The following ITIH5 variants were observed in gnomAD, a reference collection of about 807,000 sequenced individuals.
The protein encoded by ITIH5 is inter-alpha-trypsin inhibitor heavy chain 5.
Under a neutral mutation model 77.5 loss-of-function variants are expected in ITIH5, and 65 were observed. The observed-to-expected ratio is 0.84, with a 90% CI of 0.69 to 1.03. The LOEUF is 1.03. ITIH5 is among the 50% of genes least tolerant of loss of function. ITIH5 has a pLI of 0.00. For missense variants in ITIH5, 1,208 were observed against 1,213.1 expected (o/e 1.00, Z 0.06); for synonymous variants, 525 against 494.3 (o/e 1.06, Z -0.82).
chr10:7,566,493 C>A, intron 12 of ITIH5, 86 bp from the exon 13 acceptor site: 1 of 1,370,726 alleles, frequency 7.3e-7, no homozygotes, highest in Non-Finnish European at 9.9e-7. Flanking sequence ...CTTAGAAGGC[C>A]AGGGCAGGTG....
At chr10:7,578,362 C>T (rs1298400857) in intron 9 of ITIH5, 1 of 167,488 alleles carries the variant, frequency 6.0e-6, no homozygotes, top group Non-Finnish European at 1.5e-5. Context: ...ATCATAAGTT[C>T]TCATAAATGC....
chr10:7,590,641 C>T (rs1214517192), intron 7 of ITIH5, among the ~76,000 whole-genome samples: 2 of 152,224 alleles, frequency 1.3e-5, no homozygotes, highest in Admixed American at 1.3e-4. Context: ...ACCCAGCATC[C>T]TCCTGCACGC....
intron 10 of ITIH5, among the ~76,000 whole-genome samples, chr10:7,574,898 G>A (rs972569493): frequency 1.3e-5 from 2 of 150,306 alleles, no homozygotes; most frequent in African/African-American, 4.9e-5. Flanking sequence ...GTCCAGATCC[G>A]ATCTCTCCTG....
At chr10:7,663,559 T>A (rs1834313341) in intron 1 of ITIH5, among the ~76,000 whole-genome samples, 2 of 152,256 alleles carry the variant, frequency 1.3e-5, no homozygotes, top group African/African-American at 2.4e-5. Context: ...TTTCTTTATC[T>A]TTCTAAATAA....
chr10:7,634,348 G>A (rs1341629750), intron 5 of ITIH5, among the ~76,000 whole-genome samples: 1 of 152,126 alleles, frequency 6.6e-6, no homozygotes, highest in Admixed American at 6.5e-5. Context: ...AAGCTGCTAA[G>A]GCTGCCATTT....
chr10:7,627,987 G>A (rs1564268291), intron 5 of ITIH5, among the ~76,000 whole-genome samples: 3 of 151,598 alleles, frequency 2.0e-5, no homozygotes, highest in Admixed American at 1.3e-4. Flanking sequence ...GATTACAGGC[G>A]CCTGCCACCA....
At chr10:7,596,952 G>A (rs1010052582) in intron 7 of ITIH5, among the ~76,000 whole-genome samples, 81 of 145,112 alleles carry the variant, frequency 5.6e-4, no homozygotes, top group African/African-American at 2.0e-3. Flanking sequence ...GAGGTGAGGC[G>A]GGAGAATTGC....
At chr10:7,646,404 A>T (rs1834010987) in intron 2 of ITIH5, among the ~76,000 whole-genome samples, 1 of 152,222 alleles carries the variant, frequency 6.6e-6, no homozygotes. Flanking sequence ...AATGTTTGAC[A>T]ACTTTTGTAT....
chr10:7,578,741 C>T (rs541963621), intron 9 of ITIH5: 6 of 152,248 alleles, frequency 3.9e-5, no homozygotes, highest in African/African-American at 1.4e-4. Context: ...ACATATGCCA[C>T]GATGCAGATT....
intron 7 of ITIH5, among the ~76,000 whole-genome samples, chr10:7,610,186 C>G (rs1833216586): frequency 6.7e-6 from 1 of 149,626 alleles, no homozygotes; most frequent in South Asian, 2.1e-4. Context: ...TCAACAAACT[C>G]ATCTGCAAAA....
chr10:7,569,517 G>A, intron 12 of ITIH5, 151 bp downstream of exon 12: 1 of 511,882 alleles, frequency 2.0e-6, no homozygotes, highest in Non-Finnish European at 3.5e-6. Flanking sequence ...ATAAGTCCAG[G>A]AGCGCAGTGC....
chr10:7,644,586 CAT>C (rs1169055285), intron 2 of ITIH5, among the ~76,000 whole-genome samples: 14 of 106,552 alleles, frequency 1.3e-4, no homozygotes, highest in Non-Finnish European at 2.3e-4. Context: ...ACATATATCA[CAT>C]ATATATCATA....
intron 10 of ITIH5, among the ~76,000 whole-genome samples, chr10:7,573,816 A>G (rs948454065): frequency 6.6e-6 from 1 of 152,098 alleles, no homozygotes; most frequent in African/African-American, 2.4e-5. Context: ...ATAGGGGAAA[A>G]TATTTTATCA....
At chr10:7,610,128 C>G (rs1168716626) in intron 7 of ITIH5, among the ~76,000 whole-genome samples, 1 of 128,508 alleles carries the variant, frequency 7.8e-6, no homozygotes, top group African/African-American at 3.0e-5. Context: ...AGTTTTAGCT[C>G]AAACTGGGAG....
At chr10:7,647,663 T>C (rs996504059) in intron 2 of ITIH5, among the ~76,000 whole-genome samples, 7 of 152,222 alleles carry the variant, frequency 4.6e-5, no homozygotes, top group Non-Finnish European at 7.3e-5. Context: ...AATTTAGTTA[T>C]TTTATTAGTT....
At position 7,559,998 on chromosome 10, in the gene ITIH5, C is replaced by T. The variant is rs544294832; in HGVS notation, c.*3085G>A. 46 of 366,106 alleles carry T rather than the reference C, an allele frequency of 1.3e-4. No individual in the cohort carries two copies. The highest frequency in any genetic ancestry group is 1.6e-4 in the Non-Finnish European group (30 of 188,756). The allele number at this position is 366,106 out of a possible 1,614,324, so 22.7% of individuals were successfully genotyped here. Reference sequence around the variant, plus strand: ...TCCCAAGTAGCTGGAACTACAGGCACGCACCACCACGCCCAGCTAATTTTT... The same window carrying T: ...TCCCAAGTAGCTGGAACTACAGGCATGCACCACCACGCCCAGCTAATTTTT... On this transcript the variant is annotated 3_prime_UTR_variant, in exon 14 of 14. Coordinates refer to ENST00000397146, the MANE Select transcript of ITIH5 (RefSeq NM_030569.7).
intron 7 of ITIH5, among the ~76,000 whole-genome samples, chr10:7,605,881 G>A (rs1162963325): frequency 1.3e-5 from 2 of 152,126 alleles, no homozygotes; most frequent in Non-Finnish European, 2.9e-5. Context: ...ATTCCAATTT[G>A]GGACTTAAGT....
chr10:7,643,405 C>T (rs1232007732), intron 2 of ITIH5, among the ~76,000 whole-genome samples: 1 of 152,180 alleles, frequency 6.6e-6, no homozygotes, highest in Non-Finnish European at 1.5e-5. Context: ...GGAAGTCAAG[C>T]TTAGTGAGGG....
intron 7 of ITIH5, among the ~76,000 whole-genome samples, chr10:7,594,212 CAG>C (rs1280487581): frequency 6.6e-6 from 1 of 152,210 alleles, no homozygotes; most frequent in African/African-American, 2.4e-5. Flanking sequence ...GATCCCCGTT[CAG>C]AGTCCCTCCC....
Sources: gnomAD v4.1 joint callset for allele counts (sites outside exome capture counted in the v4.1 genomes callset) on GRCh38, gnomAD v4.1.1 for gene constraint, MANE v1.5 for transcripts, NCBI Gene and HGNC (gene_info 2026-07-23, HGNC 2026-07-21) for gene names.